NPHP1: variants seen among roughly 807,000 people sequenced by gnomAD.
NPHP1 encodes nephrocystin 1.
A neutral mutation model predicts 90.4 loss-of-function variants in NPHP1; 70 were observed. The observed-to-expected ratio is 0.77, with a 90% CI of 0.64 to 0.95. The LOEUF is 0.95. Among genes scored for constraint, NPHP1 ranks in the 40% least tolerant of loss-of-function variants. The pLI, the probability that NPHP1 is intolerant of heterozygous loss-of-function variation, is 0.00. For missense variants in NPHP1, 764 were observed against 795.9 expected (o/e 0.96, Z 0.48); for synonymous variants, 256 against 271.7 (o/e 0.94, Z 0.57).
intron 6 of NPHP1, among the ~76,000 whole-genome samples, chr2:110,168,234 A>G (rs954002327): frequency 6.6e-6 from 1 of 152,178 alleles, no homozygotes; most frequent in Non-Finnish European, 1.5e-5. Flanking sequence ...CCTCATTGTG[A>G]GATCACGTTC....
intron 6 of NPHP1, among the ~76,000 whole-genome samples, chr2:110,166,787 G>A (rs1315559383): frequency 6.6e-6 from 1 of 151,794 alleles, no homozygotes; most frequent in Non-Finnish European, 1.5e-5. Flanking sequence ...ATAATCGATA[G>A]TGATTATAGG....
At chr2:110,141,748 G>A (rs906392442) in intron 16 of NPHP1, among the ~76,000 whole-genome samples, 23 of 151,858 alleles carry the variant, frequency 1.5e-4, no homozygotes, top group African/African-American at 5.3e-4. Context: ...CGAGGTGGGC[G>A]GATCACGAGG....
intron 4 of NPHP1, 83 bp downstream of exon 4, chr2:110,178,340 G>A: frequency 1.6e-6 from 2 of 1,290,046 alleles, no homozygotes; most frequent in Non-Finnish European, 2.2e-6. Context: ...TATCTATACT[G>A]CTATATGTCT....
intron 18 of NPHP1, 80 bp from the exon 19 acceptor site, chr2:110,125,761 TA>T: frequency 8.7e-7 from 1 of 1,150,682 alleles, no homozygotes. Context: ...ACTCTGTAAA[TA>T]AACTTATGGA....
chr2:110,128,331 C>G (rs939821523), intron 18 of NPHP1: 2 of 152,318 alleles, frequency 1.3e-5, no homozygotes, highest in African/African-American at 4.8e-5. Flanking sequence ...GGTTACCCAC[C>G]ACCTACCACC....
At chr2:110,178,818 T>G (rs1021733901) in intron 3 of NPHP1, 4 of 330,184 alleles carry the variant, frequency 1.2e-5, no homozygotes, top group Middle Eastern at 8.7e-4. Flanking sequence ...CAGTAAGAGA[T>G]ATGTTCTGAC....
chr2:110,148,063 T>C (rs373749095), intron 12 of NPHP1, 37 bp from the exon 13 acceptor site: 5 of 1,336,132 alleles, frequency 3.7e-6, no homozygotes, highest in African/African-American at 1.4e-5. Flanking sequence ...TTGATAAAAA[T>C]AAAAAATGGG....
chr2:110,147,649 T>G (rs1349148231), intron 13 of NPHP1, among the ~76,000 whole-genome samples: 1 of 152,186 alleles, frequency 6.6e-6, no homozygotes, highest in East Asian at 1.9e-4. Flanking sequence ...TTTCTCACTT[T>G]CTGCAAAGTC....
At chr2:110,164,759 A>G in intron 7 of NPHP1, 29 bp from the exon 8 acceptor site, 3 of 1,576,366 alleles carry the variant, frequency 1.9e-6, no homozygotes, top group Non-Finnish European at 2.6e-6. Flanking sequence ...AAAGTGAGTC[A>G]GGTCAGGTTA....
At chr2:110,196,820 A>ATAAAAT (rs1559107569) in intron 2 of NPHP1, among the ~76,000 whole-genome samples, 1 of 152,204 alleles carries the variant, frequency 6.6e-6, no homozygotes, top group East Asian at 1.9e-4. Flanking sequence ...AATACTATGC[A>ATAAAAT]GCCATAAAAA....
intron 2 of NPHP1, among the ~76,000 whole-genome samples, chr2:110,195,001 C>T (rs1250491377): frequency 2.6e-5 from 4 of 152,190 alleles, no homozygotes; most frequent in South Asian, 2.1e-4. Flanking sequence ...ATTGATGGGA[C>T]GTATCTCAAA....
chr2:110,167,283 G>A (rs1459960508), intron 6 of NPHP1, among the ~76,000 whole-genome samples: 1 of 152,006 alleles, frequency 6.6e-6, no homozygotes, highest in African/African-American at 2.4e-5. Context: ...CACCTAAACA[G>A]CTTCAGGAAG....
intron 2 of NPHP1, among the ~76,000 whole-genome samples, chr2:110,182,616 C>A (rs761905603): frequency 6.6e-6 from 1 of 152,122 alleles, no homozygotes; most frequent in Admixed American, 6.5e-5. Context: ...CACCACCAGG[C>A]CTGCCCTGCA....
chr2:110,153,993 A>G (rs577839054), intron 11 of NPHP1, among the ~76,000 whole-genome samples: 2,487 of 151,954 alleles, frequency 0.016, 45 homozygotes, highest in South Asian at 0.057. Context: ...CAAAAAAAAA[A>G]AAATGCTCAA....
intron 16 of NPHP1, among the ~76,000 whole-genome samples, chr2:110,140,184 G>A (rs886151673): frequency 2.6e-5 from 4 of 152,092 alleles, no homozygotes; most frequent in African/African-American, 9.7e-5. Context: ...ATGCAAAGTG[G>A]AGAGGCAATT....
At chr2:110,186,841 TA>T (rs200133746) in intron 2 of NPHP1, among the ~76,000 whole-genome samples, 3 of 151,282 alleles carry the variant, frequency 2.0e-5, no homozygotes, top group Non-Finnish European at 2.9e-5. Context: ...TAGACACATT[TA>T]AAAAAAAGAA....
chr2:110,143,731 C>T, intron 15 of NPHP1, 90 bp from the exon 16 acceptor site: 1 of 874,598 alleles, frequency 1.1e-6, no homozygotes, highest in Non-Finnish European at 1.9e-6. Context: ...AAATATACCA[C>T]CCAGTAGTGC....
chr2:110,129,300 A>C (rs575732055), intron 17 of NPHP1, 41 bp from the exon 18 acceptor site: 1 of 1,445,210 alleles, frequency 6.9e-7, no homozygotes, highest in East Asian at 2.3e-5. Context: ...TGCAAACTTC[A>C]CTCAATGGAT....
chr2:110,140,695 C>T (rs1156587432), intron 16 of NPHP1, among the ~76,000 whole-genome samples: 1 of 152,012 alleles, frequency 6.6e-6, no homozygotes, highest in African/African-American at 2.4e-5. Flanking sequence ...TTTTCTTTCA[C>T]AAAGACTACT....
Sources: gnomAD v4.1 joint callset for allele counts (sites outside exome capture counted in the v4.1 genomes callset) on GRCh38, gnomAD v4.1.1 for gene constraint, MANE v1.5 for transcripts, NCBI Gene and HGNC (gene_info 2026-07-23, HGNC 2026-07-21) for gene names.